Variants in TATDN1 observed in about 807,000 individuals in gnomAD.
TATDN1 encodes the protein deoxyribonuclease TATDN1.
TATDN1 carries 40 observed loss-of-function variants against 46.4 expected under a neutral mutation model. The observed-to-expected ratio is 0.86, with a 90% CI of 0.67 to 1.12. The LOEUF is 1.12. TATDN1 is among the 50% of genes most tolerant of loss of function. The probability of loss-of-function intolerance (pLI) is 0.00; values close to 1 mark genes in which losing one functional copy is unlikely to be tolerated. For missense variants in TATDN1, 326 were observed against 348.4 expected (o/e 0.94, Z 0.51); for synonymous variants, 95 against 105.6 (o/e 0.90, Z 0.62).
intron 4 of TATDN1, among the ~76,000 whole-genome samples, chr8:124,518,112 T>TGAGGCAGGAGA (rs1819653913): frequency 7.0e-6 from 1 of 143,730 alleles, no homozygotes; most frequent in African/African-American, 2.6e-5. Flanking sequence ...CATGGGAGGC[T>TGAGGCAGGAGA]GAGGCAGGAG....
chr8:124,522,233 T>C (rs759848703), intron 2 of TATDN1, 33 bp from the exon 3 acceptor site: 6 of 1,461,936 alleles, frequency 4.1e-6, no homozygotes, highest in Middle Eastern at 3.5e-4. Flanking sequence ...TATGAAAACC[T>C]GGCAGACAAA....
At chr8:124,522,839 G>A in intron 2 of TATDN1, 98 bp downstream of exon 2, 2 of 1,043,528 alleles carry the variant, frequency 1.9e-6, no homozygotes, top group East Asian at 2.4e-5. Context: ...ACAGGTGTGA[G>A]CCACAAGACT....
intron 9 of TATDN1, 190 bp downstream of exon 9, chr8:124,504,081 C>T (rs1434198145): frequency 1.7e-5 from 13 of 751,892 alleles, no homozygotes; most frequent in Admixed American, 6.0e-5. Context: ...CTATAACTTT[C>T]GAGCTTTAAC....
At chr8:124,522,653 A>G (rs1820150161) in intron 2 of TATDN1, among the ~76,000 whole-genome samples, 1 of 152,188 alleles carries the variant, frequency 6.6e-6, no homozygotes, top group Non-Finnish European at 1.5e-5. Flanking sequence ...TCCTGACCTC[A>G]GGTGATCCAC....
intron 1 of TATDN1, among the ~76,000 whole-genome samples, chr8:124,524,506 T>C (rs1349327481): frequency 1.3e-5 from 2 of 152,200 alleles, no homozygotes; most frequent in Admixed American, 6.5e-5. Flanking sequence ...CCTTTCTGCC[T>C]AAAATAATCC....
chr8:124,521,353 G>A (rs1465248970), intron 3 of TATDN1, among the ~76,000 whole-genome samples: 1 of 152,130 alleles, frequency 6.6e-6, no homozygotes. Context: ...GATTACTCAT[G>A]GCTAACACAT....
intron 3 of TATDN1, 83 bp downstream of exon 3, chr8:124,522,068 C>A: frequency 1.1e-6 from 1 of 911,362 alleles, no homozygotes; most frequent in African/African-American, 1.7e-5. Flanking sequence ...TTGGTTTGTT[C>A]CTTTCTATTC....
chr8:124,539,039 C>A lies in TATDN1; in HGVS notation c.8G>T (p.Arg3Leu). 1 of 1,613,842 alleles carries A rather than the reference C, an allele frequency of 6.2e-7. No homozygotes were observed. Among genetic ancestry groups the A allele is most frequent in the Non-Finnish European group, 8.5e-7 (1 of 1,179,746 alleles). MS[R>L]FKFIDIGINL... is the part of the protein sequence containing the mutation. ...GCTCCTCTTACCGATAAACTTGAAGCGACTCATGACTGCGCATGGAGGACC... is the reference window on the plus strand; with the variant it reads ...GCTCCTCTTACCGATAAACTTGAAGAGACTCATGACTGCGCATGGAGGACC... Residue 3 changes from arginine (R) to leucine (L), a missense_variant, in exon 1 of 12, where the codon CGC (arginine) becomes CTC (leucine). By Grantham distance (102) the Arg-to-Leu change is moderately radical (BLOSUM62 -2). Coordinates refer to ENST00000276692, the MANE Select transcript of TATDN1 (RefSeq NM_032026.4).
intron 6 of TATDN1, among the ~76,000 whole-genome samples, chr8:124,515,182 A>C (rs1000888742): frequency 6.6e-6 from 1 of 152,188 alleles, no homozygotes; most frequent in African/African-American, 2.4e-5. Flanking sequence ...GGAGTTTGAG[A>C]CCAGCTTGAC....
chr8:124,520,942 CAAAAAAAAAAA>C (rs1162309758), intron 3 of TATDN1, among the ~76,000 whole-genome samples: 14 of 82,248 alleles, frequency 1.7e-4, no homozygotes, highest in Non-Finnish European at 2.3e-4. Flanking sequence ...GACTCCGTCT[CAAAAAAAAAAA>C]AAAAAAAAAA....
At chr8:124,534,261 C>T (rs1821242070) in intron 1 of TATDN1, among the ~76,000 whole-genome samples, 1 of 145,844 alleles carries the variant, frequency 6.9e-6, no homozygotes, top group Admixed American at 6.8e-5. Flanking sequence ...CTAAGAATGA[C>T]TTTACATTTT....
chr8:124,538,867 T>C, intron 1 of TATDN1, 158 bp downstream of exon 1: 3 of 755,878 alleles, frequency 4.0e-6, no homozygotes, highest in African/African-American at 1.7e-5. Flanking sequence ...AACCAGAGCA[T>C]TACCAGCACC....
At chr8:124,515,619 T>C (rs1819391627) in intron 6 of TATDN1, 127 bp downstream of exon 6, 1 of 827,996 alleles carries the variant, frequency 1.2e-6, no homozygotes. Context: ...TCACTTACTT[T>C]TGATATACAA....
Position 124,536,905 on chromosome 8 carries a change from GA to G in TATDN1, c.22+2119del, listed in dbSNP as rs796635513. Among the ~76,000 whole-genome samples the G allele has an allele frequency of 1.9e-3, 269 of 141,286 alleles. 1 individual carries two copies. The highest frequency in any genetic ancestry group is 5.8e-3 in the African/African-American group (223 of 38,716). The allele number at this position is 141,286 out of a possible 152,430, so 92.7% of individuals were successfully genotyped here. ...TATGATCTCATTTCTGTTTCAAAAG[GA>G]AAAAAAAAAACCTTGATATGTTGTA... On this transcript the variant is annotated intron_variant, in intron 1 of 11. Transcript: ENST00000276692.
At chr8:124,525,820 G>A (rs1408971024) in intron 1 of TATDN1, among the ~76,000 whole-genome samples, 1 of 152,098 alleles carries the variant, frequency 6.6e-6, no homozygotes, top group Non-Finnish European at 1.5e-5. Context: ...TAAGACTCAT[G>A]ATGTAATCAT....
intron 6 of TATDN1, among the ~76,000 whole-genome samples, chr8:124,510,869 C>CATAATTTTTTT (rs1344262276): frequency 6.6e-6 from 1 of 151,930 alleles, no homozygotes; most frequent in Non-Finnish European, 1.5e-5. Flanking sequence ...GCAATGGGCC[C>CATAATTTTTTT]ACAGAATTTT....
At chr8:124,511,751 A>G (rs1819038075) in intron 6 of TATDN1, among the ~76,000 whole-genome samples, 1 of 152,218 alleles carries the variant, frequency 6.6e-6, no homozygotes, top group African/African-American at 2.4e-5. Flanking sequence ...AAACAAAAAC[A>G]ATAGCTAGCA....
chr8:124,508,713 T>A (rs78478659), intron 6 of TATDN1, 25 bp from the exon 7 acceptor site: 1 of 1,368,964 alleles, frequency 7.3e-7, no homozygotes, highest in Non-Finnish European at 9.9e-7. Flanking sequence ...AAAAAAAAAT[T>A]CTCATTACAA....
intron 1 of TATDN1, among the ~76,000 whole-genome samples, chr8:124,534,145 C>CAA (rs869060230): frequency 0.011 from 583 of 51,256 alleles, 152 homozygotes; most frequent in East Asian, 0.11. Context: ...GACTCCGTCT[C>CAA]AAAAAAAAAA....
Sources: gnomAD v4.1 joint callset for allele counts (sites outside exome capture counted in the v4.1 genomes callset) on GRCh38, gnomAD v4.1.1 for gene constraint, MANE v1.5 for transcripts, NCBI Gene and HGNC (gene_info 2026-07-23, HGNC 2026-07-21) for gene names.